The following TMOD3 variants were observed in gnomAD, a reference collection of about 807,000 sequenced individuals.
The protein encoded by TMOD3 is tropomodulin-3.
In TMOD3, 20 loss-of-function variants were observed where a neutral mutation model predicts 39.2. The ratio of observed to expected loss-of-function variants is 0.51; its 90% CI spans 0.36 to 0.74. The LOEUF is 0.74. TMOD3 is among the 30% of genes least tolerant of loss of function. The pLI is 0.00. For synonymous variants in TMOD3, 143 were observed against 145.8 expected (o/e 0.98, Z 0.14); for missense variants, 381 against 412.8 (o/e 0.92, Z 0.67).
rs1029241970 is a variant in TMOD3, at chr15:51,912,445, T to A, written c.*3635T>A. On this transcript the variant is annotated 3_prime_UTR_variant, in exon 10 of 10. Transcript: ENST00000308580. ...TCCGTCTCAAAAAAAAAAAAATTTT[T>A]TTTTTTTTATAAAATGTTACTCATA... 1 of 152,064 alleles carries A rather than the reference T, an allele frequency of 6.6e-6. No individual in the cohort carries two copies. Among genetic ancestry groups the A allele is most frequent in the Admixed American group, 6.6e-5 (1 of 15,246 alleles). The allele number at this position is 152,064 out of a possible 1,614,324, so 9.4% of individuals were successfully genotyped here.
intron 1 of TMOD3, among the ~76,000 whole-genome samples, chr15:51,857,496 A>G (rs2056394181): frequency 6.6e-6 from 1 of 152,190 alleles, no homozygotes; most frequent in Non-Finnish European, 1.5e-5. Context: ...ACTTTACAGA[A>G]CCTGGGTGGC....
At chr15:51,833,141 ACAAT>A (rs1468014795) in intron 1 of TMOD3, 1 of 152,248 alleles carries the variant, frequency 6.6e-6, no homozygotes, top group East Asian at 1.9e-4. Context: ...TAAATTGTAA[ACAAT>A]CAAATTTAAT....
chr15:51,850,753 T>G (rs936118880), intron 1 of TMOD3, among the ~76,000 whole-genome samples: 17 of 152,162 alleles, frequency 1.1e-4, no homozygotes, highest in Admixed American at 1.1e-3. Context: ...GTTTGTTTGT[T>G]TGAGACGGAG....
At chr15:51,860,149 A>G in intron 1 of TMOD3, 1 of 471,642 alleles carries the variant, frequency 2.1e-6, no homozygotes, top group Non-Finnish European at 4.2e-6. Context: ...TCTAATTGTC[A>G]CCTTGCCGCA....
At chr15:51,892,563 C>T (rs2056599085) in intron 5 of TMOD3, 2 of 152,102 alleles carry the variant, frequency 1.3e-5, no homozygotes, top group South Asian at 4.1e-4. Context: ...TGTACCTTTA[C>T]CTCCTCTCCC....
At chr15:51,876,014 T>C (rs924812003) in intron 3 of TMOD3, among the ~76,000 whole-genome samples, 1 of 152,190 alleles carries the variant, frequency 6.6e-6, no homozygotes, top group African/African-American at 2.4e-5. Flanking sequence ...AATTGTCCCT[T>C]TTGTTATAAT....
intron 1 of TMOD3, among the ~76,000 whole-genome samples, chr15:51,850,474 A>T (rs902135131): frequency 6.6e-6 from 1 of 152,158 alleles, no homozygotes; most frequent in African/African-American, 2.4e-5. Context: ...TTCTCAGTGA[A>T]ATATTAAGGT....
intron 7 of TMOD3, 86 bp from the exon 8 acceptor site, chr15:51,900,069 A>ATGTTT (rs1555388484): frequency 7.7e-7 from 1 of 1,300,748 alleles, no homozygotes. Context: ...TAAGGCAGTT[A>ATGTTT]ATTAATGTAT....
intron 7 of TMOD3, among the ~76,000 whole-genome samples, chr15:51,898,119 T>C (rs1249068443): frequency 2.0e-5 from 3 of 152,212 alleles, no homozygotes; most frequent in African/African-American, 7.2e-5. Context: ...AAAATAAAAA[T>C]CTTTCAGTGG....
intron 1 of TMOD3, among the ~76,000 whole-genome samples, chr15:51,839,499 A>G (rs549820336): frequency 2.6e-5 from 4 of 152,080 alleles, no homozygotes; most frequent in African/African-American, 9.6e-5. Flanking sequence ...ATTTATTCCT[A>G]TGACTTGCCA....
chr15:51,904,144 G>T (rs1210764972), intron 9 of TMOD3, among the ~76,000 whole-genome samples: 1 of 152,216 alleles, frequency 6.6e-6, no homozygotes, highest in Non-Finnish European at 1.5e-5. Context: ...CTCCAGTATT[G>T]AGTGGATATT....
intron 9 of TMOD3, among the ~76,000 whole-genome samples, chr15:51,908,505 G>A (rs1190587951): frequency 3.3e-5 from 5 of 152,100 alleles, no homozygotes; most frequent in Non-Finnish European, 7.3e-5. Context: ...TGCTGCTGCT[G>A]TGTAAGCACA....
At chr15:51,860,220 T>G (rs2056410178) in intron 1 of TMOD3, 1 of 490,990 alleles carries the variant, frequency 2.0e-6, no homozygotes, top group Admixed American at 2.1e-5. Flanking sequence ...AATTTCTATT[T>G]GTAGACCTTT....
chr15:51,859,337 A>G (rs999538980), intron 1 of TMOD3: 3 of 713,924 alleles, frequency 4.2e-6, no homozygotes, highest in Non-Finnish European at 5.3e-6. Context: ...AATCCACCCA[A>G]AGATCAGAAT....
intron 3 of TMOD3, among the ~76,000 whole-genome samples, chr15:51,871,151 G>T (rs376173354): frequency 1.3e-5 from 2 of 152,154 alleles, no homozygotes; most frequent in Non-Finnish European, 2.9e-5. Context: ...TAACCATCAC[G>T]CTACTGTTAC....
chr15:51,840,956 A>G (rs1213784181), intron 1 of TMOD3, among the ~76,000 whole-genome samples: 1 of 152,240 alleles, frequency 6.6e-6, no homozygotes, highest in Admixed American at 6.5e-5. Context: ...AACTAAAAAC[A>G]TGGCAAAAAT....
At chr15:51,889,027 A>G in intron 4 of TMOD3, 29 bp from the exon 5 acceptor site, 2 of 1,457,544 alleles carry the variant, frequency 1.4e-6, no homozygotes, top group East Asian at 4.6e-5. Context: ...GTTTAAAACA[A>G]TAAAAACTTT....
At chr15:51,884,811 C>G (rs1157892047) in intron 3 of TMOD3, among the ~76,000 whole-genome samples, 1 of 152,178 alleles carries the variant, frequency 6.6e-6, no homozygotes, top group Non-Finnish European at 1.5e-5. Context: ...AACAAAGGAA[C>G]CTGGATCCTT....
intron 1 of TMOD3, among the ~76,000 whole-genome samples, chr15:51,838,101 T>C (rs959639231): frequency 8.5e-5 from 13 of 152,198 alleles, no homozygotes; most frequent in African/African-American, 3.1e-4. Flanking sequence ...ACAGGGTGTG[T>C]GAAGATCGCT....
Sources: allele counts gnomAD v4.1 joint callset (sites outside exome capture counted in the v4.1 genomes callset), GRCh38; gene constraint gnomAD v4.1.1; transcripts MANE v1.5; gene names NCBI Gene and HGNC (gene_info 2026-07-23, HGNC 2026-07-21).